CUL2: variants seen among roughly 807,000 people sequenced by gnomAD.
The protein encoded by CUL2 is cullin-2.
In CUL2, 22 loss-of-function variants were observed where a neutral mutation model predicts 110.2. The observed-to-expected ratio is 0.20, with a 90% confidence interval of 0.14 to 0.28. The LOEUF is 0.28. Among genes scored for constraint, CUL2 ranks in the 10% least tolerant of loss-of-function variants. The probability of loss-of-function intolerance (pLI) is 1.00; values close to 1 mark genes in which losing one functional copy is unlikely to be tolerated. For synonymous variants in CUL2, 279 were observed against 293.2 expected (o/e 0.95, Z 0.49); for missense variants, 631 against 905.5 (o/e 0.70, Z 3.89).
intron 17 of CUL2, among the ~76,000 whole-genome samples, chr10:35,018,556 G>C (rs1224737583): frequency 6.6e-5 from 10 of 151,964 alleles, no homozygotes; most frequent in Non-Finnish European, 1.5e-4. Flanking sequence ...CTGAGGTCTG[G>C]AGTTCAAGAC....
In CUL2 at chr10:35,051,038, A is replaced by AG. The variant is rs1379017003; in HGVS notation, c.424-1274dup. On this transcript the variant is annotated intron_variant, in intron 5 of 20. Coordinates refer to ENST00000374749, the MANE Select transcript of CUL2 (RefSeq NM_003591.4). ...GACATAAAATAGTGTCTCCTTGGCC[A>AG]GGCACAGTGGCTCACGCCTGTAATC... Among the ~76,000 whole-genome samples the AG allele has an allele frequency of 7.2e-5, 11 of 152,358 alleles. No individual in the cohort carries two copies. The East Asian group carries it at 1.7e-3, about 24-fold the overall frequency.
chr10:35,060,967 C>G lies in CUL2; in HGVS notation c.224G>C (p.Arg75Thr), dbSNP rs376958709. The change falls in exon 4 of 21, where the codon AGA becomes ACA. Residue 75 changes from arginine to threonine, a missense_variant and splice_region_variant. Physicochemically the swap from Arg to Thr is moderately conservative, Grantham distance 71. Coordinates refer to ENST00000374749, the MANE Select transcript of CUL2 (RefSeq NM_003591.4). ...LENHVRHLHK[R>T]VLESEEQVLV... is the part of the protein sequence containing the mutation. ...TACTTGTTCTTCTGACTCCAAAACT[C>G]TCTATATAAAGAGGAAAAATATTTT... 5.6e-6 allele frequency: 9 copies of G among 1,609,480 alleles called. No homozygotes were observed. The highest frequency in any genetic ancestry group is 7.6e-6 in the Non-Finnish European group (9 of 1,178,854).
chr10:35,100,011 GCC>G (rs2087355810), intron 2 of CUL2, among the ~76,000 whole-genome samples: 1 of 151,802 alleles, frequency 6.6e-6, no homozygotes, highest in Non-Finnish European at 1.5e-5. Context: ...TTGCTATGTT[GCC>G]CAGGCTGGTC....
chr10:35,014,893 T>C (rs955189279), intron 18 of CUL2, among the ~76,000 whole-genome samples: 3 of 152,158 alleles, frequency 2.0e-5, no homozygotes, highest in Non-Finnish European at 4.4e-5. Context: ...GTTTACTTTG[T>C]CAATTTCTGG....
chr10:35,126,433 G>C (rs951981213), intron 1 of CUL2: 1 of 152,566 alleles, frequency 6.6e-6, no homozygotes, highest in African/African-American at 2.4e-5. Context: ...GAAGTCAGAA[G>C]AAGCACGCCT....
Position 35,036,803 on chromosome 10 carries a change from G to A in CUL2, c.878-1507C>T, listed in dbSNP as rs555764173. ...GGCTGGAGTGCAGTGGCAGGATCTC[G>A]GCTCACTGCAACCACCACCTCCCAG... On this transcript the variant is annotated intron_variant, in intron 9 of 20. Coordinates refer to ENST00000374749, the MANE Select transcript of CUL2 (RefSeq NM_003591.4). 3.9e-4 allele frequency among the ~76,000 whole-genome samples: 59 copies of A among 151,944 alleles called. 1 individual carries two copies. In the South Asian group the frequency reaches 0.011, roughly 28 times the overall value.
At chr10:35,086,589 A>T (rs1025166931) in intron 1 of CUL2, among the ~76,000 whole-genome samples, 1 of 152,018 alleles carries the variant, frequency 6.6e-6, no homozygotes, top group African/African-American at 2.4e-5. Context: ...ACGTGGCCGG[A>T]AACAGCTTTT....
upstream of CUL2, among the ~76,000 whole-genome samples, chr10:35,093,591 A>G (rs2087246583): frequency 6.7e-6 from 1 of 148,838 alleles, no homozygotes; most frequent in Admixed American, 6.9e-5. Flanking sequence ...CCTGGGAGGC[A>G]GATGTTGCAG....
At chr10:35,100,548 G>T (rs2135106289) in intron 2 of CUL2, among the ~76,000 whole-genome samples, 1 of 152,104 alleles carries the variant, frequency 6.6e-6, no homozygotes, top group Admixed American at 6.6e-5. Context: ...GATCACTTGA[G>T]GTCAGGAATT....
In CUL2 at chr10:35,025,215, AAAACAC is replaced by A. The variant is rs1234154554; in HGVS notation, c.1618-23_1618-18del. On this transcript the variant is annotated intron_variant, in intron 16 of 20. Coordinates refer to ENST00000374749, the MANE Select transcript of CUL2 (RefSeq NM_003591.4). ...TAATTCAAACTGTAAAAAAAAAAAA[AAAACAC>A]ACATTATTTTTAGCTACTATAACTT... 6.4e-7 allele frequency: 1 copy of A among 1,560,776 alleles called. No individual in the cohort carries two copies. The highest frequency in any genetic ancestry group is 1.4e-5 in the African/African-American group (1 of 71,184).
intron 1 of CUL2, among the ~76,000 whole-genome samples, chr10:35,079,102 A>G (rs1178975512): frequency 1.3e-5 from 2 of 152,250 alleles, no homozygotes; most frequent in African/African-American, 2.4e-5. Context: ...TTTCATATAC[A>G]TACATACCTA....
chr10:35,021,773 C>T (rs1461204842), intron 17 of CUL2, among the ~76,000 whole-genome samples: 1 of 141,454 alleles, frequency 7.1e-6, no homozygotes, highest in Non-Finnish European at 1.6e-5. Context: ...TGATCGCGCA[C>T]CTCCACTCCA....
chr10:35,081,159 A>G (rs542870126), intron 1 of CUL2, among the ~76,000 whole-genome samples: 4 of 152,238 alleles, frequency 2.6e-5, no homozygotes, highest in South Asian at 2.1e-4. Context: ...AGGAGACTTC[A>G]AGGTTACATT....
In CUL2 at chr10:35,041,989, A is replaced by T. The variant is rs148059038; in HGVS notation, c.714+2577T>A. Among the ~76,000 whole-genome samples, 293 of 152,336 alleles carry T rather than the reference A, an allele frequency of 1.9e-3. 1 individual carries two copies. Among genetic ancestry groups the T allele is most frequent in the African/African-American group, 6.7e-3 (279 of 41,574 alleles). On this transcript the variant is annotated intron_variant, in intron 8 of 20. Coordinates refer to ENST00000374749, the MANE Select transcript of CUL2 (RefSeq NM_003591.4). Reference sequence around the variant, plus strand: ...AATGGTTTTGGTATATTACATTATCAATGTTTTTAAATTGTGGTAAAAACA... The same window carrying T: ...AATGGTTTTGGTATATTACATTATCTATGTTTTTAAATTGTGGTAAAAACA...
At chr10:35,090,392 G>A (rs909063352), upstream of CUL2, 6 of 152,404 alleles carry the variant, frequency 3.9e-5, no homozygotes, top group African/African-American at 1.4e-4. Context: ...GCGGGGGGTG[G>A]GGAGCGAAGC....
At chr10:35,061,484 C>A (rs562381475) in intron 3 of CUL2, among the ~76,000 whole-genome samples, 1 of 148,438 alleles carries the variant, frequency 6.7e-6, no homozygotes, top group South Asian at 2.1e-4. Flanking sequence ...AAAAATCACA[C>A]TTATAATGTA....
chr10:35,045,667 C>T (rs4934706), intron 6 of CUL2, among the ~76,000 whole-genome samples: 51,097 of 151,516 alleles, frequency 0.34, 8,629 homozygotes, highest in South Asian at 0.35. Flanking sequence ...CAGTGAGCCA[C>T]GATTGCACCA....
chr10:35,057,389 G>A (rs1378663253), intron 4 of CUL2, among the ~76,000 whole-genome samples: 1 of 152,156 alleles, frequency 6.6e-6, no homozygotes, highest in Non-Finnish European at 1.5e-5. Context: ...AGGCACGGTG[G>A]CTCATGTCTG....
chr10:35,119,305 G>A (rs1455096372), intron 1 of CUL2, among the ~76,000 whole-genome samples: 1 of 152,038 alleles, frequency 6.6e-6, no homozygotes, highest in African/African-American at 2.4e-5. Context: ...TAAAAAGGAG[G>A]TAAATACTAA....
Sources: gnomAD v4.1 joint callset for allele counts (sites outside exome capture counted in the v4.1 genomes callset) on GRCh38, gnomAD v4.1.1 for gene constraint, MANE v1.5 for transcripts, NCBI Gene and HGNC (gene_info 2026-07-23, HGNC 2026-07-21) for gene names.